PCDHGB1: variants seen among roughly 807,000 people sequenced by gnomAD.
PCDHGB1 encodes protocadherin gamma-B1.
In PCDHGB1, 34 loss-of-function variants were observed where a neutral mutation model predicts 56.6. That is an observed-to-expected ratio of 0.60 (90% CI 0.46 to 0.80). The LOEUF is 0.80. Among genes scored for constraint, PCDHGB1 ranks in the 30% least tolerant of loss-of-function variants. The pLI is 0.00. For synonymous variants in PCDHGB1, 561 were observed against 505.9 expected, an observed-to-expected ratio of 1.11 and a Z score of -1.46; for missense variants, 1,278 against 1,204.6, an observed-to-expected ratio of 1.06 and a Z score of -0.90.
At chr5:141,458,318 A>T (rs1420197662) in intron 1 of PCDHGB1, among the ~76,000 whole-genome samples, 1 of 152,128 alleles carries the variant, frequency 6.6e-6, no homozygotes, top group Non-Finnish European at 1.5e-5. Context: ...ACACAGACAC[A>T]TGTGGAGTGG....
intron 3 of PCDHGB1, among the ~76,000 whole-genome samples, chr5:141,507,772 A>C (rs2099863177): frequency 6.6e-6 from 1 of 152,332 alleles, no homozygotes; most frequent in South Asian, 2.1e-4. Flanking sequence ...TGGCCCACAC[A>C]GGGCCTGACC....
At position 141,351,916 on chromosome 5, in the gene PCDHGB1, T is replaced by C. The variant is rs372459324; in HGVS notation, c.1656T>C (p.Asn552=). ...TGCGCGTGTTGGTGGGCGACCTCAA[T>C]GACAATGCGCCACGGGTGCTGTACC... ...VSLRVLVGDL[N]DNAPRVLYPA... Residue 552 remains asparagine, a synonymous_variant, in exon 1 of 4, where the codon AAT becomes AAC. Coordinates refer to ENST00000523390, the MANE Select transcript of PCDHGB1 (RefSeq NM_018922.3). The C allele has an allele frequency of 1.6e-4, 256 of 1,613,264 alleles. No individual in the cohort carries two copies. The highest frequency in any genetic ancestry group is 4.5e-4 in the African/African-American group (34 of 74,928).
At chr5:141,379,744 G>A (rs1333166422) in intron 1 of PCDHGB1, 1 of 152,052 alleles carries the variant, frequency 6.6e-6, no homozygotes, top group African/African-American at 2.4e-5. Flanking sequence ...GCTAAATGAG[G>A]TTCTTTAATC....
chr5:141,370,877 T>C (rs372858299), intron 1 of PCDHGB1: 41 of 1,614,038 alleles, frequency 2.5e-5, no homozygotes, highest in Middle Eastern at 1.6e-4. Flanking sequence ...AAGATCCTGA[T>C]GTAGGTGTCA....
At chr5:141,366,394 C>T in intron 1 of PCDHGB1, 2 of 1,614,168 alleles carry the variant, frequency 1.2e-6, no homozygotes, top group Non-Finnish European at 1.7e-6. Flanking sequence ...AGGATCTGGA[C>T]CTCACACTCT....
intron 1 of PCDHGB1, chr5:141,371,193 A>G: frequency 1.2e-6 from 2 of 1,614,034 alleles, no homozygotes; most frequent in Non-Finnish European, 8.5e-7. Context: ...AGTGATGGCC[A>G]TTGACATGGA....
At chr5:141,470,736 C>A (rs541510544) in intron 1 of PCDHGB1, among the ~76,000 whole-genome samples, 1 of 152,092 alleles carries the variant, frequency 6.6e-6, no homozygotes, top group Non-Finnish European at 1.5e-5. Context: ...CTTGCTCTGT[C>A]GCCCTGGCTG....
intron 1 of PCDHGB1, among the ~76,000 whole-genome samples, chr5:141,472,935 A>G (rs1593400204): frequency 6.6e-6 from 1 of 150,778 alleles, no homozygotes; most frequent in East Asian, 1.9e-4. Context: ...GTGGTGAGCC[A>G]AGATTATGCC....
intron 1 of PCDHGB1, among the ~76,000 whole-genome samples, chr5:141,479,837 G>A (rs563513895): frequency 3.9e-5 from 6 of 152,338 alleles, no homozygotes; most frequent in Non-Finnish European, 8.8e-5. Flanking sequence ...TGGTATCCAT[G>A]CAAGGTGACT....
Position 141,351,054 on chromosome 5 carries a change from A to T in PCDHGB1, c.794A>T (p.Asp265Val). The T allele has an allele frequency of 6.2e-7, 1 of 1,614,056 alleles. No individual in the cohort carries two copies. Among genetic ancestry groups the T allele is most frequent in the Non-Finnish European group, 8.5e-7 (1 of 1,179,886 alleles). Residue 265 changes from aspartate to valine, a missense_variant, in exon 1 of 4, where the codon GAC becomes GTC. Coordinates refer to ENST00000523390, the MANE Select transcript of PCDHGB1 (RefSeq NM_018922.3). ...TCCGTGCTGCGGGTGATGGCCACAG[A>T]CCAGGATGAGGGCATTAATGCAGAG... is the stretch of plus-strand genomic sequence containing the variant. ...GTSVLRVMAT[D>V]QDEGINAEIT...
intron 1 of PCDHGB1, among the ~76,000 whole-genome samples, chr5:141,449,708 A>G (rs2098652470): frequency 6.6e-6 from 1 of 151,418 alleles, no homozygotes; most frequent in African/African-American, 2.4e-5. Context: ...CAAACACATT[A>G]TTTTTATATG....
intron 1 of PCDHGB1, chr5:141,372,195 A>T: frequency 4.3e-6 from 7 of 1,613,560 alleles, no homozygotes; most frequent in Non-Finnish European, 5.9e-6. Flanking sequence ...CTCGGGATAC[A>T]ACGCCTGGCT....
At chr5:141,415,749 T>TG in intron 1 of PCDHGB1, 2 of 1,214,000 alleles carry the variant, frequency 1.6e-6, no homozygotes, top group Non-Finnish European at 1.1e-6. Context: ...GGTTTTTTTT[T>TG]TTTTTTTTTT....
chr5:141,404,965 C>A, intron 1 of PCDHGB1: 1 of 1,614,030 alleles, frequency 6.2e-7, no homozygotes, highest in Non-Finnish European at 8.5e-7. Context: ...TCCCAGACAT[C>A]CTGGCTGACC....
chr5:141,383,797 G>T, intron 1 of PCDHGB1: 1 of 1,613,962 alleles, frequency 6.2e-7, no homozygotes. Flanking sequence ...GCTTACAGGA[G>T]AAATATCAAC....
Position 141,461,919 on chromosome 5 carries a change from G to T in PCDHGB1, c.2410-32888G>T, listed in dbSNP as rs10060711. On this transcript the variant is annotated intron_variant, in intron 1 of 3. Transcript: ENST00000523390. Reference sequence around the variant, plus strand: ...GCTCACTGCAACCTCTGCCTCCTGGGTTCCAGCAATTCTCCTGCCTCAACC... The same window carrying T: ...GCTCACTGCAACCTCTGCCTCCTGGTTTCCAGCAATTCTCCTGCCTCAACC... 5.4e-3 allele frequency among the ~76,000 whole-genome samples: 815 copies of T among 152,214 alleles called. 11 individuals are homozygous for T. Among genetic ancestry groups the T allele is most frequent in the African/African-American group, 0.019 (780 of 41,542 alleles).
chr5:141,362,973 G>C (rs1762750308), intron 1 of PCDHGB1, among the ~76,000 whole-genome samples: 1 of 152,216 alleles, frequency 6.6e-6, no homozygotes, highest in Non-Finnish European at 1.5e-5. Flanking sequence ...AAAGAAGAAA[G>C]ACTTTTGCAT....
chr5:141,489,229 G>A lies in PCDHGB1; in HGVS notation c.2410-5578G>A, dbSNP rs1188849525. 5.9e-6 allele frequency: 9 copies of A among 1,522,134 alleles called. No homozygotes were observed. In the Admixed American group the frequency reaches 6.4e-5, roughly 11 times the overall value. 94.3% of individuals were successfully genotyped at this position (1,522,134 alleles called of 1,614,324 possible). On this transcript the variant is annotated intron_variant, in intron 1 of 3. Transcript: ENST00000523390. The surrounding 1 kb of genome is among the most constrained non-coding windows in gnomAD (Gnocchi z 4.5). The stretch of plus-strand genomic sequence containing the variant: ...AGCACAGACTTACTCTCCACAAAGG[G>A]ACTTCTGGGTCATGGGGCCCAAGAC...
intron 1 of PCDHGB1, among the ~76,000 whole-genome samples, chr5:141,460,120 A>C (rs1404213559): frequency 1.3e-5 from 2 of 151,956 alleles, no homozygotes; most frequent in Non-Finnish European, 2.9e-5. Flanking sequence ...ATTTTTATAT[A>C]TGTAATATAT....
Sources: allele counts gnomAD v4.1 joint callset (sites outside exome capture counted in the v4.1 genomes callset), GRCh38; gene constraint gnomAD v4.1.1; non-coding constraint Gnocchi (gnomAD v3.1); transcripts MANE v1.5; gene names NCBI Gene and HGNC (gene_info 2026-07-23, HGNC 2026-07-21).